The following RAMAC variants were observed in gnomAD, a reference collection of about 807,000 sequenced individuals.
RAMAC encodes RNA guanine-7 methyltransferase activating subunit.
RAMAC carries 11 observed loss-of-function variants against 17.9 expected under a neutral mutation model. That is an observed-to-expected ratio of 0.61 (90% CI 0.39 to 1.02). RAMAC has a LOEUF of 1.02. Among genes scored for constraint, RAMAC ranks in the 50% least tolerant of loss-of-function variants. The pLI, the probability that RAMAC is intolerant of heterozygous loss-of-function variation, is 0.01. For missense variants in RAMAC, 109 were observed against 144.0 expected, an observed-to-expected ratio of 0.76 and a Z score of 1.25; for synonymous variants, 27 against 48.4, an observed-to-expected ratio of 0.56 and a Z score of 1.84.
At position 82,988,960 on chromosome 15, in the gene RAMAC, G is replaced by A. The variant is rs74030864; in HGVS notation, c.-9-50G>A. ...CTTGGTTTTTCATTATTTGGAGAGA[G>A]TGTTAATTTTTAAATTTTTTTTAAT... On this transcript the variant is annotated intron_variant, in intron 2 of 3. Transcript: ENST00000304191. The A allele has an allele frequency of 3.6e-4, 542 of 1,505,974 alleles. 1 individual carries two copies. The African/African-American group carries it at 6.4e-3, about 18-fold the overall frequency. The allele number at this position is 1,505,974 out of a possible 1,614,324, so 93.3% of individuals were successfully genotyped here. A position where few individuals can be genotyped will look rare whatever the true frequency, so the allele number is the denominator to read the frequency against.
At position 82,990,971 on chromosome 15, in the gene RAMAC, T is replaced by C. The variant is rs1350929262; in HGVS notation, c.*904T>C. On this transcript the variant is annotated 3_prime_UTR_variant, in exon 4 of 4. Transcript: ENST00000304191. The stretch of plus-strand genomic sequence containing the variant: ...TGCTATAAACTTCCTTTCACAGAGA[T>C]CATTCTATTTCAAATCACTTTAATG... The C allele has an allele frequency of 4.4e-6, 1 of 226,292 alleles. No homozygotes were observed. Among genetic ancestry groups the C allele is most frequent in the East Asian group, 8.7e-5 (1 of 11,462 alleles). 14.0% of individuals were successfully genotyped at this position (226,292 alleles called of 1,614,324 possible). A position where few individuals can be genotyped will look rare whatever the true frequency, so the allele number is the denominator to read the frequency against.
chr15:82,989,325 A>G (rs2030759175), intron 3 of RAMAC, 137 bp downstream of exon 3: 3 of 671,336 alleles, frequency 4.5e-6, no homozygotes, highest in Non-Finnish European at 6.8e-6. Flanking sequence ...AGTACCTGGT[A>G]CATCATTTCT....
intron 1 of RAMAC, among the ~76,000 whole-genome samples, chr15:82,986,640 G>A (rs974805725): frequency 7.9e-5 from 12 of 152,220 alleles, no homozygotes; most frequent in African/African-American, 2.9e-4. Context: ...CTGTTCCCCG[G>A]GCTCACCTCC....
intron 2 of RAMAC, among the ~76,000 whole-genome samples, chr15:82,987,749 A>G (rs958087446): frequency 1.3e-5 from 2 of 152,200 alleles, no homozygotes; most frequent in African/African-American, 4.8e-5. Context: ...CTGAAAGATA[A>G]GAGTGTCAGG....
chr15:82,986,948 T>A (rs2030643278), intron 1 of RAMAC, among the ~76,000 whole-genome samples: 1 of 152,120 alleles, frequency 6.6e-6, no homozygotes, highest in African/African-American at 2.4e-5. Flanking sequence ...TTTGTTTTTT[T>A]TTTGAGACGG....
chr15:82,987,313 AGTTT>A lies in RAMAC; in HGVS notation c.-58-18_-58-15del, dbSNP rs1292651460. 6.6e-6 allele frequency: 1 copy of A among 152,190 alleles called. No individual in the cohort carries two copies. Among genetic ancestry groups the A allele is most frequent in the Non-Finnish European group, 1.5e-5 (1 of 68,054 alleles). 9.4% of individuals were successfully genotyped at this position (152,190 alleles called of 1,614,324 possible). The stretch of plus-strand genomic sequence containing the variant: ...TTGAGAGTTTCCTTAAATAAAGTCA[AGTTT>A]GTTTTTTTCCTCCCACAGATTTAAA... On this transcript the variant is annotated intron_variant, in intron 1 of 3. Transcript: ENST00000304191.
chr15:82,988,146 C>T (rs1210383174), intron 2 of RAMAC, among the ~76,000 whole-genome samples: 1 of 151,548 alleles, frequency 6.6e-6, no homozygotes, highest in Non-Finnish European at 1.5e-5. Flanking sequence ...ACCCGCCTGG[C>T]CAACAAAACC....
At chr15:82,987,306 AAAGTC>A (rs1247126884) in intron 1 of RAMAC, 25 bp from the exon 2 acceptor site, 12 of 152,202 alleles carry the variant, frequency 7.9e-5, no homozygotes, top group Admixed American at 7.9e-4. Context: ...TTCCTTAAAT[AAAGTC>A]AAGTTTGTTT....
rs2030603494 is a variant in RAMAC, at chr15:82,986,310, G to A, written c.-118G>A. On this transcript the variant is annotated 5_prime_UTR_variant, in exon 1 of 4. Coordinates refer to ENST00000304191, the MANE Select transcript of RAMAC (RefSeq NM_031452.4). ...GTGGACCAGAGGCCACCTCTCCTGG[G>A]CTTCTCAGTGTCTCGCCGGCGGGGT... 6.4e-6 allele frequency: 1 copy of A among 155,384 alleles called. No homozygotes were observed. Among genetic ancestry groups the A allele is most frequent in the African/African-American group, 2.4e-5 (1 of 41,510 alleles). The allele number at this position is 155,384 out of a possible 1,614,324, so 9.6% of individuals were successfully genotyped here.
chr15:82,987,520 T>C (rs1036749382), intron 2 of RAMAC, 136 bp downstream of exon 2: 3 of 152,190 alleles, frequency 2.0e-5, no homozygotes, highest in African/African-American at 7.2e-5. Context: ...AGTAGCACCT[T>C]TTCCTTGCCT....
chr15:82,989,005 TAC>T lies in RAMAC; in HGVS notation c.-9-3_-9-2del. 1.9e-6 allele frequency: 3 copies of T among 1,592,112 alleles called. No homozygotes were observed. The highest frequency in any genetic ancestry group is 2.6e-6 in the Non-Finnish European group (3 of 1,171,022). On this transcript the variant is annotated splice_polypyrimidine_tract_variant and splice_region_variant and intron_variant, in intron 2 of 3. Transcript: ENST00000304191. ...TTTAATGGAAATGTCTTTAAAATTG[TAC>T]AGATTTTCAGAATGACTGACACTGC...
At chr15:82,987,139 G>A (rs1007953554) in intron 1 of RAMAC, among the ~76,000 whole-genome samples, 197 bp from the exon 2 acceptor site, 2 of 152,040 alleles carry the variant, frequency 1.3e-5, no homozygotes, top group Non-Finnish European at 2.9e-5. Flanking sequence ...GGCTGGTCTC[G>A]ATCTCTTGAC....
chr15:82,990,003 C>G lies in RAMAC; in HGVS notation c.293C>G (p.Pro98Arg). The change falls in exon 4 of 4, where the codon CCT becomes CGT. Residue 98 changes from proline (P) to arginine (R), a missense_variant. Transcript: ENST00000304191. ...GNNYPQHRQE[P>R]YYPQQYGHYG... is the part of the protein sequence containing the mutation. ...AACTACCCGCAACACAGACAAGAACCTTACTATCCCCAGCAATATGGACAT... is the reference window on the plus strand; with the variant it reads ...AACTACCCGCAACACAGACAAGAACGTTACTATCCCCAGCAATATGGACAT... 7 of 1,589,928 alleles carry G rather than the reference C, an allele frequency of 4.4e-6. No homozygotes were observed. The highest frequency in any genetic ancestry group is 6.0e-6 in the Non-Finnish European group (7 of 1,163,106).
chr15:82,990,620 C>T lies in RAMAC; in HGVS notation c.*553C>T, dbSNP rs955936372. ...AATCTATAGATGAGTCAGCTCCACA[C>T]TTGAGTCTCTTTTTAGAGGGAAATC... On this transcript the variant is annotated 3_prime_UTR_variant, in exon 4 of 4. Coordinates refer to ENST00000304191, the MANE Select transcript of RAMAC (RefSeq NM_031452.4). 3.3e-6 allele frequency: 5 copies of T among 1,509,606 alleles called. No individual in the cohort carries two copies. Among genetic ancestry groups the T allele is most frequent in the East Asian group, 2.5e-5 (1 of 40,468 alleles). The allele number at this position is 1,509,606 out of a possible 1,614,324, so 93.5% of individuals were successfully genotyped here.
chr15:82,988,235 CAGG>C, intron 2 of RAMAC, among the ~76,000 whole-genome samples: 1 of 151,858 alleles, frequency 6.6e-6, no homozygotes, highest in Non-Finnish European at 1.5e-5. Context: ...GAGGCTGAGG[CAGG>C]AGAATTGCTT....
chr15:82,988,295 A>G (rs576575044), intron 2 of RAMAC: 7 of 157,148 alleles, frequency 4.5e-5, no homozygotes, highest in Admixed American at 2.6e-4. Context: ...GCGCCATTGC[A>G]CTCCAACTCT....
Position 82,986,251 on chromosome 15 carries a change from G to C in RAMAC, c.-177G>C. 1 of 228,786 alleles carries C rather than the reference G, an allele frequency of 4.4e-6. No individual in the cohort carries two copies. The highest frequency in any genetic ancestry group is 1.6e-4 in the South Asian group (1 of 6,360). 14.2% of individuals were successfully genotyped at this position (228,786 alleles called of 1,614,324 possible). ...TTAGAGGAAGGCGCTCGGTTACATT[G>C]GAGAACTGGAGTGGTCTGGAGTTCC... On this transcript the variant is annotated 5_prime_UTR_variant, in exon 1 of 4. Coordinates refer to ENST00000304191, the MANE Select transcript of RAMAC (RefSeq NM_031452.4).
intron 2 of RAMAC, among the ~76,000 whole-genome samples, chr15:82,988,112 G>A (rs947639162): frequency 6.0e-5 from 9 of 151,100 alleles, no homozygotes; most frequent in South Asian, 2.1e-4. Context: ...CAAAGCGGGC[G>A]GATTATGAGG....
intron 2 of RAMAC, among the ~76,000 whole-genome samples, chr15:82,987,790 A>C (rs2030679757): frequency 6.6e-6 from 1 of 152,178 alleles, no homozygotes; most frequent in Non-Finnish European, 1.5e-5. Context: ...CTGTTATCCC[A>C]GTACTTTGGG....
Sources: gnomAD v4.1 joint callset for allele counts (sites outside exome capture counted in the v4.1 genomes callset) on GRCh38, gnomAD v4.1.1 for gene constraint, MANE v1.5 for transcripts, NCBI Gene and HGNC (gene_info 2026-07-23, HGNC 2026-07-21) for gene names.